PAN3: variants seen among roughly 807,000 people sequenced by gnomAD.
The protein encoded by PAN3 is PAN2-PAN3 deadenylation complex subunit PAN3.
A neutral mutation model predicts 96.2 loss-of-function variants in PAN3; 19 were observed. The observed-to-expected ratio is 0.20, with a 90% CI of 0.14 to 0.29. The LOEUF (loss-of-function observed/expected upper bound fraction) is 0.29, where lower values mean the gene tolerates loss of function less well. Ranked by LOEUF, PAN3 falls within the 10% of genes least tolerant of loss-of-function variation. PAN3 has a pLI of 1.00. For synonymous variants in PAN3, 433 were observed against 406.6 expected (o/e 1.06, Z -0.78); for missense variants, 882 against 1,108.1 (o/e 0.80, Z 2.90).
chr13:28,141,375 AAAAC>A (rs1238540641), intron 1 of PAN3, among the ~76,000 whole-genome samples: 1 of 151,806 alleles, frequency 6.6e-6, no homozygotes, highest in African/African-American at 2.4e-5. Flanking sequence ...CTTTTTAAAA[AAAAC>A]TTTTAAAGTT....
chr13:28,272,276 C>T (rs1886683717), intron 14 of PAN3: 1 of 383,498 alleles, frequency 2.6e-6, no homozygotes, highest in East Asian at 4.5e-5. Flanking sequence ...TCTCTCTTTT[C>T]CTTTCTATTC....
intron 12 of PAN3, among the ~76,000 whole-genome samples, chr13:28,269,402 T>C (rs189058622): frequency 6.6e-6 from 1 of 152,140 alleles, no homozygotes; most frequent in East Asian, 1.9e-4. Flanking sequence ...TCCCTAACCA[T>C]ACCATACATG....
intron 1 of PAN3, among the ~76,000 whole-genome samples, chr13:28,156,552 CTCAT>C: frequency 6.6e-6 from 1 of 152,324 alleles, no homozygotes; most frequent in Non-Finnish European, 1.5e-5. Context: ...TCCTCCTTAT[CTCAT>C]TCAATGACCA....
At chr13:28,283,104 A>G (rs1868496512) in intron 17 of PAN3, among the ~76,000 whole-genome samples, 2 of 151,734 alleles carry the variant, frequency 1.3e-5, no homozygotes, top group Admixed American at 1.3e-4. Context: ...GCTGGAGTGC[A>G]ATGGCGCATT....
At chr13:28,220,159 ATATGCCTAG>A in intron 5 of PAN3, 63 bp from the exon 6 acceptor site, 4 of 1,416,050 alleles carry the variant, frequency 2.8e-6, no homozygotes, top group Non-Finnish European at 3.9e-6. Flanking sequence ...GCACTGTGGA[ATATGCCTAG>A]TAGATTCAAT....
At chr13:28,288,704 T>C (rs569922046) in intron 18 of PAN3, among the ~76,000 whole-genome samples, 4 of 152,360 alleles carry the variant, frequency 2.6e-5, no homozygotes, top group African/African-American at 7.2e-5. Context: ...GGTTTTGTTA[T>C]GCCGCTTAAA....
At chr13:28,147,168 C>T (rs562855871) in intron 1 of PAN3, among the ~76,000 whole-genome samples, 42 of 152,232 alleles carry the variant, frequency 2.8e-4, no homozygotes, top group Admixed American at 2.2e-3. Context: ...AATTTTATTG[C>T]GGTTTCTTAC....
chr13:28,257,785 T>A (rs1885332924), intron 7 of PAN3, among the ~76,000 whole-genome samples: 1 of 139,814 alleles, frequency 7.2e-6, no homozygotes, highest in South Asian at 2.3e-4. Flanking sequence ...AAATTATATA[T>A]AATATATAAT....
At position 28,218,207 on chromosome 13, in the gene PAN3, G is replaced by T. The variant is rs191424726; in HGVS notation, c.853-2024G>T. Among the ~76,000 whole-genome samples the T allele has an allele frequency of 5.1e-4, 78 of 152,002 alleles. No individual in the cohort carries two copies. The Middle Eastern group carries it at 0.01, about 20-fold the overall frequency. ...ATTTTTATCATGAAAAAGTATTCTA[G>T]GTAAGGTCTTAATTTCTGATTTTTA... On this transcript the variant is annotated intron_variant, in intron 5 of 18. Coordinates refer to ENST00000380958, the MANE Select transcript of PAN3 (RefSeq NM_175854.8).
At chr13:28,160,578 G>A (rs1872767244) in intron 1 of PAN3, among the ~76,000 whole-genome samples, 2 of 152,198 alleles carry the variant, frequency 1.3e-5, no homozygotes, top group South Asian at 2.1e-4. Context: ...TTTTTGAAAT[G>A]TTTGAAATAA....
chr13:28,215,728 G>A, intron 5 of PAN3: 1 of 1,498,878 alleles, frequency 6.7e-7, no homozygotes. Context: ...ATAGTTCCTG[G>A]CAAGCCCATG....
intron 9 of PAN3, 133 bp from the exon 10 acceptor site, chr13:28,266,582 T>C: frequency 4.9e-6 from 3 of 611,250 alleles, no homozygotes; most frequent in Non-Finnish European, 7.8e-6. Context: ...TAATAAATGT[T>C]TACACTATTC....
chr13:28,259,313 T>G (rs1885483072), intron 7 of PAN3, among the ~76,000 whole-genome samples: 5 of 142,118 alleles, frequency 3.5e-5, no homozygotes, highest in Admixed American at 2.8e-4. Context: ...TTTTTTGTTG[T>G]TTTTTTTTTT....
chr13:28,158,406 A>G (rs1049699412), intron 1 of PAN3, among the ~76,000 whole-genome samples: 2 of 152,194 alleles, frequency 1.3e-5, no homozygotes, highest in African/African-American at 4.8e-5. Context: ...TAAGCAGACA[A>G]CCCACAGAGT....
At chr13:28,269,494 T>C (rs1408933428) in intron 12 of PAN3, among the ~76,000 whole-genome samples, 1 of 151,764 alleles carries the variant, frequency 6.6e-6, no homozygotes, top group South Asian at 2.1e-4. Context: ...ATAAGAAATA[T>C]ATTGATTTAG....
At chr13:28,196,552 T>C (rs188318573) in intron 4 of PAN3, among the ~76,000 whole-genome samples, 1 of 152,176 alleles carries the variant, frequency 6.6e-6, no homozygotes, top group East Asian at 1.9e-4. Context: ...ACTGTTTTGT[T>C]GTTGTTTTTT....
intron 4 of PAN3, among the ~76,000 whole-genome samples, chr13:28,178,966 T>C (rs1311089347): frequency 1.3e-5 from 2 of 151,978 alleles, no homozygotes; most frequent in Non-Finnish European, 2.9e-5. Flanking sequence ...TCAGAAAGAC[T>C]AGATTTTCTT....
At chr13:28,271,957 C>G (rs373776077) in intron 13 of PAN3, 24 bp from the exon 14 acceptor site, 3 of 1,440,372 alleles carry the variant, frequency 2.1e-6, no homozygotes, top group Admixed American at 2.3e-5. Context: ...TAATTATTTT[C>G]TTTAAATTAT....
At chr13:28,199,992 T>C (rs763340450) in intron 5 of PAN3, among the ~76,000 whole-genome samples, 6 of 152,216 alleles carry the variant, frequency 3.9e-5, no homozygotes, top group Admixed American at 1.3e-4. Flanking sequence ...TGTCTTTTGG[T>C]ATTGCTAATA....
Sources: allele counts gnomAD v4.1 joint callset (sites outside exome capture counted in the v4.1 genomes callset), GRCh38; gene constraint gnomAD v4.1.1; transcripts MANE v1.5; gene names NCBI Gene and HGNC (gene_info 2026-07-23, HGNC 2026-07-21).